Variants in ZFP64 observed in about 807,000 individuals in gnomAD.
ZFP64 encodes the protein ZFP64 zinc finger protein, also known as zinc finger protein 64.
A neutral mutation model predicts 51.6 loss-of-function variants in ZFP64; 14 were observed. The observed-to-expected ratio is 0.27, with a 90% CI of 0.18 to 0.42. The LOEUF is 0.42. ZFP64 is among the 10% of genes least tolerant of loss of function. The pLI is 1.00. For synonymous variants in ZFP64, 375 were observed against 361.4 expected, an observed-to-expected ratio of 1.04 and a Z score of -0.43; for missense variants, 754 against 906.8, an observed-to-expected ratio of 0.83 and a Z score of 2.16.
chr20:52,156,194 A>G (rs1981305962), intron 5 of ZFP64, among the ~76,000 whole-genome samples: 1 of 152,212 alleles, frequency 6.6e-6, no homozygotes, highest in Non-Finnish European at 1.5e-5. Context: ...CTTGCTGTAG[A>G]TTATAAAAAT....
At chr20:52,086,210 AAAT>A (rs1268099717) in intron 8 of ZFP64, among the ~76,000 whole-genome samples, 1 of 152,208 alleles carries the variant, frequency 6.6e-6, no homozygotes, top group African/African-American at 2.4e-5. Flanking sequence ...AGCCAACTAT[AAAT>A]AATTTAAATG....
intron 5 of ZFP64, among the ~76,000 whole-genome samples, chr20:52,107,849 CGTGA>C (rs2122801229): frequency 6.6e-6 from 1 of 152,294 alleles, no homozygotes; most frequent in Admixed American, 6.5e-5. Flanking sequence ...CAGAGTTTCT[CGTGA>C]GTGAGTGTGT....
At chr20:52,121,112 CT>C (rs1979170400) in intron 5 of ZFP64, among the ~76,000 whole-genome samples, 1 of 152,210 alleles carries the variant, frequency 6.6e-6, no homozygotes, top group Non-Finnish European at 1.5e-5. Context: ...TCCCTTCTCT[CT>C]CCTTTTCTTC....
chr20:52,108,507 C>CTTTTTTTTTTTTTTTTTTTTTTTT, intron 5 of ZFP64, among the ~76,000 whole-genome samples: 1 of 144,348 alleles, frequency 6.9e-6, no homozygotes, highest in Admixed American at 7.0e-5. Context: ...AGTTTATTAC[C>CTTTTTTTTTTTTTTTTTTTTTTTT]TTTTTTTTTT....
At chr20:52,122,894 T>C (rs1275069278) in intron 5 of ZFP64, among the ~76,000 whole-genome samples, 2 of 152,192 alleles carry the variant, frequency 1.3e-5, no homozygotes, top group Admixed American at 6.5e-5. Context: ...AATCTACTCA[T>C]GGTGAAGATG....
chr20:52,127,058 T>A (rs1979480991), intron 5 of ZFP64, among the ~76,000 whole-genome samples: 1 of 151,972 alleles, frequency 6.6e-6, no homozygotes, highest in Non-Finnish European at 1.5e-5. Flanking sequence ...TTCAAGCAAT[T>A]CTCCTGCCTC....
chr20:52,116,039 G>C (rs1978849689), intron 5 of ZFP64, among the ~76,000 whole-genome samples: 1 of 151,612 alleles, frequency 6.6e-6, no homozygotes, highest in African/African-American at 2.4e-5. Context: ...TCTCCATGTT[G>C]GTCAGTCTGG....
chr20:52,178,978 C>G (rs1019602323), intron 2 of ZFP64, among the ~76,000 whole-genome samples: 1 of 152,122 alleles, frequency 6.6e-6, no homozygotes, highest in Non-Finnish European at 1.5e-5. Flanking sequence ...ACACAACAAC[C>G]CTAAAGTGAC....
At chr20:52,100,252 G>A (rs1600702747) in intron 5 of ZFP64, among the ~76,000 whole-genome samples, 1 of 149,970 alleles carries the variant, frequency 6.7e-6, no homozygotes, top group Non-Finnish European at 1.5e-5. Flanking sequence ...GCCTCCCAAA[G>A]TTTTTTTTTT....
At position 52,191,765 on chromosome 20, in the gene ZFP64, G is replaced by T. The variant is rs1327805409; in HGVS notation, c.-129C>A. 5.9e-6 allele frequency: 7 copies of T among 1,186,178 alleles called. No individual in the cohort carries two copies. In the East Asian group the frequency reaches 9.5e-5, roughly 16 times the overall value. The allele number at this position is 1,186,178 out of a possible 1,614,324, so 73.5% of individuals were successfully genotyped here. On this transcript the variant is annotated 5_prime_UTR_variant, in exon 1 of 6. Transcript: ENST00000216923. The surrounding 1 kb of genome is among the most constrained non-coding windows in gnomAD (Gnocchi z 4.3). ...CTGCCTTCTCCCAACTCTGCGAGGC[G>T]GGGAGGACGGATGTAAAGCAAGCTG...
chr20:52,190,020 T>C (rs774318194), intron 1 of ZFP64, among the ~76,000 whole-genome samples: 1 of 152,228 alleles, frequency 6.6e-6, no homozygotes, highest in Non-Finnish European at 1.5e-5. Context: ...ATTTACATTA[T>C]GTCCAATTTT....
rs1385436264 is a variant in ZFP64 at position 52,085,184 on chromosome 20, C to T, written c.1311G>A (p.Ser437=). 4 of 1,614,212 alleles carry T rather than the reference C, an allele frequency of 2.5e-6. No homozygotes were observed. The highest frequency in any genetic ancestry group is 1.1e-5 in the South Asian group (1 of 91,086). The stretch of plus-strand genomic sequence containing the variant: ...ACTCGCACTTGAAAGGCTTCTCCCC[C>T]GAGTGCACGATCATGTGCCTTTTCA... Residue 437 remains serine (S), a synonymous_variant, in exon 9 of 9, where the codon TCG becomes TCA. Coordinates refer to the ZFP64 transcript ENST00000361387. The surrounding 1 kb of genome is among the most constrained non-coding windows in gnomAD (Gnocchi z 4.3).
At chr20:52,091,079 C>G (rs2078921529) in intron 7 of ZFP64, among the ~76,000 whole-genome samples, 1 of 151,876 alleles carries the variant, frequency 6.6e-6, no homozygotes, top group Non-Finnish European at 1.5e-5. Flanking sequence ...GGTGGCAGAA[C>G]AAGAACTTGT....
intron 4 of ZFP64, among the ~76,000 whole-genome samples, chr20:52,163,301 C>T (rs6021765): frequency 0.26 from 39,710 of 151,782 alleles, 5,328 homozygotes; most frequent in Admixed American, 0.3. Context: ...GCAGAAGTTG[C>T]GGTGAGCCAA....
chr20:52,153,426 C>T lies in ZFP64; in HGVS notation c.766G>A (p.Asp256Asn). ...CAGAGCCAGCACTGGAAGGGGGCGT[C>T]CCCTGTCAACACAAGGTGAGTTTCG... ...LTVHLRSHTG[D>N]APFQCWLCSA... is the part of the protein sequence containing the mutation. Residue 256 changes from aspartate (D) to asparagine (N), a missense_variant and splice_region_variant, in exon 6 of 6, where the codon GAC becomes AAC. Around this residue, in one of 3 missense-constraint regions of ZFP64, gnomAD observed 231 missense variants for 336.7 expected, o/e 0.69. Coordinates refer to ENST00000216923, the MANE Select transcript of ZFP64 (RefSeq NM_018197.3). The surrounding 1 kb of genome is among the most constrained non-coding windows in gnomAD (Gnocchi z 5.1). The T allele has an allele frequency of 6.2e-7, 1 of 1,612,062 alleles. No individual in the cohort carries two copies. The highest frequency in any genetic ancestry group is 8.5e-7 in the Non-Finnish European group (1 of 1,178,634).
chr20:52,137,264 C>T (rs753103473), intron 5 of ZFP64, among the ~76,000 whole-genome samples: 10 of 152,110 alleles, frequency 6.6e-5, no homozygotes, highest in Non-Finnish European at 1.0e-4. Context: ...GAGATGGGTT[C>T]TCTCCACCTG....
intron 5 of ZFP64, among the ~76,000 whole-genome samples, chr20:52,142,415 C>CACACACAT (rs1980317923): frequency 2.8e-5 from 4 of 145,178 alleles, no homozygotes; most frequent in Non-Finnish European, 6.1e-5. Context: ...CACACACACA[C>CACACACAT]ACAAATTGCT....
intron 5 of ZFP64, chr20:52,110,726 C>T (rs1013866407): frequency 3.8e-6 from 6 of 1,592,240 alleles, no homozygotes. Flanking sequence ...CCAACCTTAA[C>T]TGCCCCAGTA....
At chr20:52,120,351 G>A (rs1261169110) in intron 5 of ZFP64, among the ~76,000 whole-genome samples, 5 of 152,178 alleles carry the variant, frequency 3.3e-5, no homozygotes, top group Non-Finnish European at 7.3e-5. Flanking sequence ...TCTCAGGCCT[G>A]GTTTGGGAAG....
Sources: allele counts gnomAD v4.1 joint callset (sites outside exome capture counted in the v4.1 genomes callset), GRCh38; gene constraint gnomAD v4.1.1; regional missense constraint gnomAD v4.1.1; non-coding constraint Gnocchi (gnomAD v3.1); transcripts MANE v1.5; gene names NCBI Gene and HGNC (gene_info 2026-07-23, HGNC 2026-07-21).